The following MDP1 variants were observed in gnomAD, a reference collection of about 807,000 sequenced individuals.
MDP1 encodes magnesium dependent phosphatase 1.
MDP1 carries 18 observed loss-of-function variants against 21.6 expected under a neutral mutation model. The observed-to-expected ratio is 0.83, with a 90% CI of 0.58 to 1.24. MDP1 has a LOEUF of 1.24. MDP1 is among the 50% of genes most tolerant of loss of function. MDP1 has a pLI of 0.00. For synonymous variants in MDP1, 101 were observed against 83.2 expected (o/e 1.21, Z -1.16); for missense variants, 207 against 218.6 (o/e 0.95, Z 0.33).
At chr14:24,215,488 G>A (rs923468021) in intron 3 of MDP1, 64 bp downstream of exon 3, 2 of 1,543,342 alleles carry the variant, frequency 1.3e-6, no homozygotes, top group Non-Finnish European at 8.9e-7. Flanking sequence ...TAGACCAGGG[G>A]TTTCACTGTC....
chr14:24,215,587 C>CA lies in MDP1; in HGVS notation c.173dup (p.Leu58PhefsTer16). The CA allele has an allele frequency of 6.2e-7, 1 of 1,614,170 alleles. No individual in the cohort carries two copies. Among genetic ancestry groups the CA allele is most frequent in the Non-Finnish European group, 8.5e-7 (1 of 1,180,042 alleles). ...CCGCACCGGGCACCCCAAGGCTCTG[C>CA]AATCGTTTTAGGACCTCAGGCACCT... On this transcript the variant is annotated frameshift_variant, in exon 3 of 6. Coordinates refer to ENST00000288087, the MANE Select transcript of MDP1 (RefSeq NM_138476.4). LOFTEE classifies it high-confidence loss of function.
In MDP1 at chr14:24,216,061, A is replaced by T; in HGVS notation, c.-106T>A. On this transcript the variant is annotated 5_prime_UTR_variant, in exon 1 of 6. It adds an upstream start codon to the 5' untranslated region. Coordinates refer to ENST00000288087, the MANE Select transcript of MDP1 (RefSeq NM_138476.4). ...GCAGCCACCCTGCCTGCCATAGACA[A>T]ATGGCGACTAGAGCGTCGCCACTCG... The T allele has an allele frequency of 6.8e-7, 1 of 1,462,000 alleles. No individual in the cohort carries two copies. The highest frequency in any genetic ancestry group is 9.5e-7 in the Non-Finnish European group (1 of 1,056,874). 90.6% of individuals were successfully genotyped at this position (1,462,000 alleles called of 1,614,324 possible).
chr14:24,214,098 C>A lies in MDP1; in HGVS notation c.457G>T (p.Gly153Trp), dbSNP rs145254894. 0.012 allele frequency: 18,966 copies of A among 1,613,610 alleles called. 134 individuals carry two copies. Among genetic ancestry groups the A allele is most frequent in the Non-Finnish European group, 0.014 (16,646 of 1,179,754 alleles). Reference protein sequence around the residue: ...NGMNLQTLSQGLETFAKAQTG... With the variant: ...NGMNLQTLSQWLETFAKAQTG... ...TGGGCCTTCGCAAATGTCTCTAACC[C>A]TTGACTTAGAGTTTGAAGATTCATT... Residue 153 changes from glycine to tryptophan, a missense_variant, in exon 6 of 6, where the codon GGG becomes TGG. Coordinates refer to ENST00000288087, the MANE Select transcript of MDP1 (RefSeq NM_138476.4).
In MDP1 at chr14:24,215,942, G is replaced by A; in HGVS notation, c.14C>T (p.Pro5Leu). The change falls in exon 1 of 6, where the codon CCG (proline) becomes CTG (leucine). Residue 5 changes from proline to leucine, a missense_variant. Coordinates refer to ENST00000288087, the MANE Select transcript of MDP1 (RefSeq NM_138476.4). ...ACCCAAATCAAAGACTGCCAGCTTCGGTAGCCGCGCCATGACCCGCACCGC... is the reference window on the plus strand; with the variant it reads ...ACCCAAATCAAAGACTGCCAGCTTCAGTAGCCGCGCCATGACCCGCACCGC... MARL[P>L]KLAVFDLDYT... 6.2e-7 allele frequency: 1 copy of A among 1,614,182 alleles called. No individual in the cohort carries two copies. Among genetic ancestry groups the A allele is most frequent in the Non-Finnish European group, 8.5e-7 (1 of 1,180,028 alleles).
rs771762799 is a variant in MDP1, at chr14:24,215,708, G to A, written c.98+29C>T. On this transcript the variant is annotated intron_variant, in intron 2 of 5. Coordinates refer to ENST00000288087, the MANE Select transcript of MDP1 (RefSeq NM_138476.4). ...CTCAGCCCTGGCTGGGTCCTATCTC[G>A]CCCCCAGTCTTCCCTGTCCCTACCT... The A allele has an allele frequency of 2.5e-6, 4 of 1,613,956 alleles. No individual in the cohort carries two copies. In the East Asian group the frequency reaches 8.9e-5, roughly 36 times the overall value.
In MDP1 at chr14:24,215,813, G is replaced by A. The variant is rs1311726985; in HGVS notation, c.38-16C>T. 6.2e-7 allele frequency: 1 copy of A among 1,614,130 alleles called. No individual in the cohort carries two copies. Among genetic ancestry groups the A allele is most frequent in the East Asian group, 2.2e-5 (1 of 44,902 alleles). ...AGAGTGTAATCTGCGAGAGGAAGGA[G>A]AGGGAAGGTTCAGCCTGGGGCGGGA... On this transcript the variant is annotated splice_polypyrimidine_tract_variant and intron_variant, in intron 1 of 5. Coordinates refer to ENST00000288087, the MANE Select transcript of MDP1 (RefSeq NM_138476.4).
At chr14:24,215,423 C>CT in intron 3 of MDP1, 129 bp downstream of exon 3, 1 of 1,078,014 alleles carries the variant, frequency 9.3e-7, no homozygotes, top group Non-Finnish European at 1.4e-6. Context: ...CACAGGAGAG[C>CT]GTTCAAGGGA....
At position 24,215,573 on chromosome 14, in the gene MDP1, AC is replaced by A; in HGVS notation, c.187del (p.Val63CysfsTer12). 1 of 1,614,084 alleles carries A rather than the reference AC, an allele frequency of 6.2e-7. No homozygotes were observed. The highest frequency in any genetic ancestry group is 1.1e-5 in the South Asian group (1 of 91,076). On this transcript the variant is annotated frameshift_variant, in exon 3 of 6. Coordinates refer to ENST00000288087, the MANE Select transcript of MDP1 (RefSeq NM_138476.4). LOFTEE classifies it high-confidence loss of function. ...EVLKRLQSLGVPGAAASRTSE... is the reference protein window; with the variant it reads ...EVLKRLQSLGXPGAAASRTSE... ...TTACCTTGAAGCAGCCGCACCGGGC[AC>A]CCCAAGGCTCTGCAATCGTTTTAGG...
Position 24,214,605 on chromosome 14 carries a change from A to C in MDP1, c.210-6T>G. 6.2e-7 allele frequency: 1 copy of C among 1,614,148 alleles called. No homozygotes were observed. Among genetic ancestry groups the C allele is most frequent in the South Asian group, 1.1e-5 (1 of 91,082 alleles). On this transcript the variant is annotated splice_polypyrimidine_tract_variant and splice_region_variant and intron_variant, in intron 3 of 5. Coordinates refer to ENST00000288087, the MANE Select transcript of MDP1 (RefSeq NM_138476.4). ...CCCCTTCTATCTCACTTGTCCTGCAAAACGGTGTAAAAGATGGGATTAGCA... is the reference window on the plus strand; with the variant it reads ...CCCCTTCTATCTCACTTGTCCTGCACAACGGTGTAAAAGATGGGATTAGCA...
Position 24,213,945 on chromosome 14 carries a change from A to T in MDP1, c.*79T>A, listed in dbSNP as rs1315512051. Reference sequence around the variant, plus strand: ...ATAGAAACTCCCCACACTGTGGGTAAAATCTCTTCTGTCACACACAGATGA... The same window carrying T: ...ATAGAAACTCCCCACACTGTGGGTATAATCTCTTCTGTCACACACAGATGA... On this transcript the variant is annotated 3_prime_UTR_variant, in exon 6 of 6. Transcript: ENST00000288087. 2 of 1,517,848 alleles carry T rather than the reference A, an allele frequency of 1.3e-6. No individual in the cohort carries two copies. Among genetic ancestry groups the T allele is most frequent in the African/African-American group, 2.8e-5 (2 of 71,650 alleles). The allele number at this position is 1,517,848 out of a possible 1,614,324, so 94.0% of individuals were successfully genotyped here. A position where few individuals can be genotyped will look rare whatever the true frequency, so the allele number is the denominator to read the frequency against.
intron 3 of MDP1, among the ~76,000 whole-genome samples, chr14:24,215,081 C>CT (rs907932145): frequency 0.051 from 5,704 of 111,272 alleles, 455 homozygotes; most frequent in African/African-American, 0.15. Context: ...TCTGGCCCCA[C>CT]TTTTTTTTTT....
intron 3 of MDP1, among the ~76,000 whole-genome samples, chr14:24,214,914 C>T (rs927484023): frequency 2.0e-5 from 3 of 150,120 alleles, no homozygotes; most frequent in East Asian, 1.9e-4. Context: ...TCCCAAGTAG[C>T]TGGGACTACA....
rs2039642506 is a variant in MDP1 at position 24,214,527 on chromosome 14, T to C, written c.282A>G (p.Glu94=). 4.3e-6 allele frequency: 7 copies of C among 1,614,068 alleles called. No individual in the cohort carries two copies. The highest frequency in any genetic ancestry group is 1.3e-5 in the African/African-American group (1 of 74,926). ...GTGTGATCTTGCTGCCTGGATAGAT[T>C]TCCCGATGAACAAAGTACCTGAAGA... The part of the protein sequence containing the change: ...FDLFRYFVHR[E]IYPGSKITHF... Residue 94 remains glutamate (E), a synonymous_variant, in exon 4 of 6, where the codon GAA becomes GAG. Transcript: ENST00000288087.
At chr14:24,215,833 G>C (rs763508750) in intron 1 of MDP1, 36 bp from the exon 2 acceptor site, 2 of 1,614,048 alleles carry the variant, frequency 1.2e-6, no homozygotes, top group Admixed American at 1.7e-5. Flanking sequence ...TCAGCCTGGG[G>C]CGGGAGATGC....
rs1177665434 is a variant in MDP1, at chr14:24,215,543, T to C, written c.209+9A>G. The C allele has an allele frequency of 6.2e-7, 1 of 1,614,110 alleles. No individual in the cohort carries two copies. The highest frequency in any genetic ancestry group is 1.3e-5 in the African/African-American group (1 of 75,046). Reference sequence around the variant, plus strand: ...CATTACACTGTCAGTTGTCAGTCGCTCTTCTTACCTTGAAGCAGCCGCACC... The same window carrying C: ...CATTACACTGTCAGTTGTCAGTCGCCCTTCTTACCTTGAAGCAGCCGCACC... On this transcript the variant is annotated intron_variant, in intron 3 of 5. Transcript: ENST00000288087.
chr14:24,214,210 AC>A (rs1157166010), intron 5 of MDP1, 59 bp from the exon 6 acceptor site: 2 of 1,610,242 alleles, frequency 1.2e-6, no homozygotes, highest in South Asian at 2.2e-5. Flanking sequence ...TATTACTCTG[AC>A]CTTTGTGAGT....
At position 24,214,368 on chromosome 14, in the gene MDP1, G is replaced by C. The variant is rs1298965677; in HGVS notation, c.345C>G (p.Phe115Leu). 1 of 1,614,206 alleles carries C rather than the reference G, an allele frequency of 6.2e-7. No individual in the cohort carries two copies. Among genetic ancestry groups the C allele is most frequent in the East Asian group, 2.2e-5 (1 of 44,888 alleles). ...ERLQQKTGIPFSQMIFFDDER... is the reference protein window; with the variant it reads ...ERLQQKTGIPLSQMIFFDDER... ...CATCATCAAAGAAGATCATCTGGGA[G>C]AAAGGAATTCCAGTCTTCTGCTGCA... The change falls in exon 5 of 6, where the codon TTC becomes TTG. Residue 115 changes from phenylalanine (F) to leucine (L), a missense_variant. Transcript: ENST00000288087.
In MDP1 at chr14:24,214,519, G is replaced by A. The variant is rs374152302; in HGVS notation, c.290C>T (p.Pro97Leu). ...CTCAAAGTGTGTGATCTTGCTGCCTGGATAGATTTCCCGATGAACAAAGTA... is the reference window on the plus strand; with the variant it reads ...CTCAAAGTGTGTGATCTTGCTGCCTAGATAGATTTCCCGATGAACAAAGTA... ...FRYFVHREIY[P>L]GSKITHFERL... is the part of the protein sequence containing the mutation. The change falls in exon 4 of 6, where the codon CCA becomes CTA. Residue 97 changes from proline to leucine, a missense_variant. Physicochemically the swap from Pro to Leu is moderately conservative, Grantham distance 98 (BLOSUM62 -3). Transcript: ENST00000288087. 3.7e-5 allele frequency: 59 copies of A among 1,614,042 alleles called. No homozygotes were observed. Among genetic ancestry groups the A allele is most frequent in the Non-Finnish European group, 4.7e-5 (56 of 1,180,048 alleles).
rs2039647061 is a variant in MDP1 at position 24,214,671 on chromosome 14, T to C, written c.210-72A>G. 2.6e-6 allele frequency: 4 copies of C among 1,539,334 alleles called. No individual in the cohort carries two copies. The Admixed American group carries it at 5.2e-5, about 20-fold the overall frequency. On this transcript the variant is annotated intron_variant, in intron 3 of 5. Coordinates refer to ENST00000288087, the MANE Select transcript of MDP1 (RefSeq NM_138476.4). ...GCTACGTTAACTTATTAAGCAAAGT[T>C]AGTAAGTATAACCAGGGAAATCAAC...
Sources: allele counts gnomAD v4.1 joint callset (sites outside exome capture counted in the v4.1 genomes callset), GRCh38; gene constraint gnomAD v4.1.1; transcripts MANE v1.5; gene names NCBI Gene and HGNC (gene_info 2026-07-23, HGNC 2026-07-21).